The following PDE10A variants were observed in gnomAD, a reference collection of about 807,000 sequenced individuals.
PDE10A encodes phosphodiesterase 10A, also known as cAMP and cAMP-inhibited cGMP 3',5'-cyclic phosphodiesterase 10A.
In PDE10A, 39 loss-of-function variants were observed where a neutral mutation model predicts 97.7. That is an observed-to-expected ratio of 0.40 (90% CI 0.31 to 0.52). The LOEUF (loss-of-function observed/expected upper bound fraction) is 0.52, where lower values mean the gene tolerates loss of function less well. Among genes scored for constraint, PDE10A ranks in the 20% least tolerant of loss-of-function variants. PDE10A has a pLI of 0.56. For missense variants in PDE10A, 731 were observed against 1,047.8 expected (o/e 0.70, Z 4.17); for synonymous variants, 371 against 376.8 (o/e 0.98, Z 0.18).
At chr6:165,340,078 GT>G (rs982545108) in intron 19 of PDE10A, among the ~76,000 whole-genome samples, 1 of 152,078 alleles carries the variant, frequency 6.6e-6, no homozygotes. Context: ...ACAGGTAATA[GT>G]TACTAAAGAT....
intron 7 of PDE10A, among the ~76,000 whole-genome samples, chr6:165,432,574 A>C (rs977898209): frequency 2.0e-5 from 3 of 152,224 alleles, no homozygotes; most frequent in African/African-American, 7.2e-5. Flanking sequence ...TATTGAGTGA[A>C]TAGTGAATGG....
intron 1 of PDE10A, among the ~76,000 whole-genome samples, chr6:165,802,563 C>A (rs918279418): frequency 6.6e-6 from 1 of 152,190 alleles, no homozygotes; most frequent in African/African-American, 2.4e-5. Flanking sequence ...AGGCTGCGTG[C>A]GGCCTGAAGC....
intron 1 of PDE10A, among the ~76,000 whole-genome samples, chr6:165,825,390 T>TA (rs1352865081): frequency 1.3e-5 from 2 of 152,122 alleles, no homozygotes; most frequent in African/African-American, 2.4e-5. Context: ...AGGGCCCCGT[T>TA]AAGTCATCAC....
chr6:165,681,605 C>G (rs1310332596), intron 1 of PDE10A, among the ~76,000 whole-genome samples: 2 of 152,182 alleles, frequency 1.3e-5, no homozygotes, highest in African/African-American at 4.8e-5. Flanking sequence ...GCTACCACTT[C>G]TTTGAAGCCA....
At chr6:165,380,153 GA>G (rs1262662153) in intron 17 of PDE10A, among the ~76,000 whole-genome samples, 2 of 152,004 alleles carry the variant, frequency 1.3e-5, no homozygotes, top group African/African-American at 4.8e-5. Context: ...GTAATTGAGG[GA>G]AAAAAACCCT....
rs1791888890 is a variant in PDE10A at position 165,711,242 on chromosome 6, A to C, written c.-614-167674T>G. Among the ~76,000 whole-genome samples the C allele has an allele frequency of 6.6e-6, 1 of 152,178 alleles. No homozygotes were observed. The highest frequency in any genetic ancestry group is 6.5e-5 in the Admixed American group (1 of 15,282). The stretch of plus-strand genomic sequence containing the variant: ...GGAGCAGGGCTCTTCTGAAAACCTC[A>C]TCTTGGATGGGTAATTTACAGAGGT... On this transcript the variant is annotated intron_variant, in intron 1 of 19. Transcript: ENST00000366882. This position sits in a 1 kb window ranked among gnomAD's most constrained non-coding sequence, Gnocchi z 4.5.
chr6:165,348,714 T>C (rs1169955029), intron 18 of PDE10A, among the ~76,000 whole-genome samples: 2 of 152,218 alleles, frequency 1.3e-5, no homozygotes, highest in African/African-American at 4.8e-5. Flanking sequence ...TCTTGAATTG[T>C]AGTTCCCATA....
intron 1 of PDE10A, among the ~76,000 whole-genome samples, chr6:165,563,678 G>A (rs1784634582): frequency 6.6e-6 from 1 of 152,040 alleles, no homozygotes; most frequent in Non-Finnish European, 1.5e-5. Flanking sequence ...ATCACTTGAG[G>A]TCAGAAGTTT....
intron 3 of PDE10A, among the ~76,000 whole-genome samples, chr6:165,477,152 C>A (rs954171616): frequency 6.6e-6 from 1 of 152,190 alleles, no homozygotes; most frequent in Non-Finnish European, 1.5e-5. Flanking sequence ...TCAGATCTAG[C>A]CAAGATGGCT....
chr6:165,800,753 G>C (rs1778961822), intron 1 of PDE10A, among the ~76,000 whole-genome samples: 1 of 152,212 alleles, frequency 6.6e-6, no homozygotes. Context: ...AGCCCATTTG[G>C]TGCCGCTAGA....
At chr6:165,846,791 T>C (rs1470273758) in intron 1 of PDE10A, among the ~76,000 whole-genome samples, 1 of 152,232 alleles carries the variant, frequency 6.6e-6, no homozygotes, top group African/African-American at 2.4e-5. Context: ...GAAGCCGAGC[T>C]AGCGTCCCTT....
chr6:165,945,868 T>C (rs1783748443), intron 1 of PDE10A, among the ~76,000 whole-genome samples: 1 of 152,342 alleles, frequency 6.6e-6, no homozygotes, highest in East Asian at 1.9e-4. Context: ...ACTTCATAGA[T>C]AAATAATTAA....
intron 1 of PDE10A, among the ~76,000 whole-genome samples, chr6:165,976,542 C>G (rs1026324977): frequency 2.6e-5 from 4 of 152,196 alleles, no homozygotes; most frequent in African/African-American, 9.7e-5. Context: ...AGAGCCTTTG[C>G]CAAGGTTTCA....
intron 1 of PDE10A, among the ~76,000 whole-genome samples, chr6:165,841,503 G>A (rs9295315): frequency 0.28 from 43,134 of 152,196 alleles, 6,474 homozygotes; most frequent in East Asian, 0.5. Context: ...TGAGCAGTGG[G>A]CGCTTAACGT....
At chr6:165,793,831 A>C (rs1406034326) in intron 1 of PDE10A, among the ~76,000 whole-genome samples, 2 of 152,240 alleles carry the variant, frequency 1.3e-5, no homozygotes, top group African/African-American at 4.8e-5. Flanking sequence ...GAGGACAAGG[A>C]GATGTGCACA....
chr6:165,944,478 T>C (rs1162964545), intron 1 of PDE10A, among the ~76,000 whole-genome samples: 2 of 152,228 alleles, frequency 1.3e-5, no homozygotes, highest in African/African-American at 4.8e-5. Flanking sequence ...CAGGTCTTTC[T>C]CAAGGTGATC....
intron 1 of PDE10A, among the ~76,000 whole-genome samples, chr6:165,905,843 A>G (rs936966153): frequency 1.3e-5 from 2 of 152,154 alleles, no homozygotes; most frequent in Admixed American, 6.5e-5. Context: ...AAAACAAAGC[A>G]GTAATAACCT....
intron 1 of PDE10A, among the ~76,000 whole-genome samples, chr6:165,726,103 T>C (rs4709977): frequency 0.63 from 96,054 of 152,050 alleles, 31,080 homozygotes; most frequent in African/African-American, 0.76. Flanking sequence ...TTCCTGTGCA[T>C]AGGCAACGCA....
intron 1 of PDE10A, among the ~76,000 whole-genome samples, chr6:165,928,679 G>A (rs1025588066): frequency 1.3e-5 from 2 of 150,478 alleles, no homozygotes; most frequent in Admixed American, 6.7e-5. Context: ...CCAACATCCC[G>A]GCTGCTGGTG....
Sources: gnomAD v4.1 joint callset for allele counts (sites outside exome capture counted in the v4.1 genomes callset) on GRCh38, gnomAD v4.1.1 for gene constraint, Gnocchi (gnomAD v3.1) non-coding constraint, MANE v1.5 for transcripts, NCBI Gene and HGNC (gene_info 2026-07-23, HGNC 2026-07-21) for gene names.